Variants in PLA2G4C observed in about 807,000 individuals in gnomAD.
The protein encoded by PLA2G4C is phospholipase A2 group IVC, also known as cytosolic phospholipase A2 gamma.
PLA2G4C carries 64 observed loss-of-function variants against 73.8 expected under a neutral mutation model. That is an observed-to-expected ratio of 0.87 (90% confidence interval 0.71 to 1.07). The LOEUF (loss-of-function observed/expected upper bound fraction) is 1.07, where lower values mean the gene tolerates loss of function less well. PLA2G4C is among the 50% of genes least tolerant of loss of function. PLA2G4C has a pLI of 0.00. For synonymous variants in PLA2G4C, 254 were observed against 252.1 expected, an observed-to-expected ratio of 1.01 and a Z score of -0.07; for missense variants, 622 against 665.4, an observed-to-expected ratio of 0.93 and a Z score of 0.72.
Position 48,074,796 on chromosome 19 carries a change from T to C in PLA2G4C, c.977A>G (p.Glu326Gly), listed in dbSNP as rs757947302. The change falls in exon 12 of 17, where the codon GAG (glutamate) becomes GGG (glycine). Residue 326 changes from glutamate (E) to glycine (G), a missense_variant. By Grantham distance (98) the Glu-to-Gly change is moderately conservative. Transcript: ENST00000599921. The stretch of plus-strand genomic sequence containing the variant: ...CCTTTCGGGGTCCTCATGGGGCTGC[T>C]CCTGCTTTTCCAGGGAGGTCCTGGT... ...NWTRTSLEKQEQPHEDPERKG... is the reference protein window; with the variant it reads ...NWTRTSLEKQGQPHEDPERKG... 3 of 1,613,746 alleles carry C rather than the reference T, an allele frequency of 1.9e-6. No homozygotes were observed. The highest frequency in any genetic ancestry group is 2.5e-6 in the Non-Finnish European group (3 of 1,179,706).
intron 16 of PLA2G4C, among the ~76,000 whole-genome samples, chr19:48,049,945 C>T (rs191611396): frequency 1.1e-4 from 17 of 152,252 alleles, no homozygotes; most frequent in South Asian, 1.0e-3. Flanking sequence ...TTCTTTGAGA[C>T]GGAATCTCCC....
At chr19:48,106,769 A>G (rs764395122) in intron 1 of PLA2G4C, 62 of 565,454 alleles carry the variant, frequency 1.1e-4, no homozygotes, top group Non-Finnish European at 2.0e-4. Flanking sequence ...AAATATTTCA[A>G]GCGCGTCTCT....
rs1271636452 is a variant in PLA2G4C at position 48,099,854 on chromosome 19, T to C, written c.264A>G (p.Ile88Met). ...CACCATCATTGGTGTAGAGAGAAGA[T>C]ATTGCCCTGGAGGACAGAGGAAGAG... ...LAGVSGSTWA[I>M]SSLYTNDGDM... Residue 88 changes from isoleucine to methionine, a missense_variant, in exon 5 of 17, where the codon ATA becomes ATG. Physicochemically the swap from Ile to Met is conservative, Grantham distance 10. Transcript: ENST00000599921. The C allele has an allele frequency of 1.9e-6, 3 of 1,611,278 alleles. No individual in the cohort carries two copies. The highest frequency in any genetic ancestry group is 1.3e-5 in the African/African-American group (1 of 74,910).
At chr19:48,080,488 C>G (rs2122575002) in intron 10 of PLA2G4C, among the ~76,000 whole-genome samples, 1 of 152,112 alleles carries the variant, frequency 6.6e-6, no homozygotes, top group African/African-American at 2.4e-5. Flanking sequence ...GGTATCTACC[C>G]AAAGGAAAGG....
chr19:48,101,448 T>C (rs1274627830), intron 4 of PLA2G4C, among the ~76,000 whole-genome samples: 3 of 151,904 alleles, frequency 2.0e-5, no homozygotes, highest in African/African-American at 4.8e-5. Context: ...ATAAAAATTT[T>C]TGATGTTCTT....
At chr19:48,095,374 G>A in intron 7 of PLA2G4C, 90 bp downstream of exon 7, 2 of 1,235,234 alleles carry the variant, frequency 1.6e-6, no homozygotes, top group East Asian at 2.3e-5. Flanking sequence ...AGAAATTTAA[G>A]AGCTGGGCAA....
chr19:48,064,836 T>G (rs1337711212), intron 13 of PLA2G4C: 1 of 152,212 alleles, frequency 6.6e-6, no homozygotes, highest in Non-Finnish European at 1.5e-5. Flanking sequence ...AAGGTGGCTG[T>G]CTGCAAATCA....
In PLA2G4C at chr19:48,075,049, C is replaced by G. The variant is rs118026538; in HGVS notation, c.899-175G>C. Among the ~76,000 whole-genome samples the G allele has an allele frequency of 4.6e-5, 7 of 152,188 alleles. No homozygotes were observed. In the East Asian group the frequency reaches 1.2e-3, roughly 25 times the overall value. On this transcript the variant is annotated intron_variant, in intron 11 of 16. Transcript: ENST00000599921. ...CTGCTGACCCCCATGTTACCTCACT[C>G]TCTCTGACTTTCTGGCCTCTTTTTT...
intron 13 of PLA2G4C, 42 bp downstream of exon 13, chr19:48,067,749 A>T: frequency 7.6e-7 from 1 of 1,314,806 alleles, no homozygotes; most frequent in South Asian, 1.2e-5. Context: ...GCCCATTCAC[A>T]CGCAAGGACA....
Position 48,077,834 on chromosome 19 carries a change from A to G in PLA2G4C, c.845-10T>C. ...AGCCTCAGTAATCGGGCTGCAAAAG[A>G]GCAGAGGCAGGGGGAATGTTTAACT... On this transcript the variant is annotated splice_polypyrimidine_tract_variant and intron_variant, in intron 10 of 16. Transcript: ENST00000599921. 1 of 1,603,628 alleles carries G rather than the reference A, an allele frequency of 6.2e-7. No homozygotes were observed. Among genetic ancestry groups the G allele is most frequent in the Non-Finnish European group, 8.5e-7 (1 of 1,175,136 alleles).
chr19:48,086,682 G>C (rs1253453909), intron 9 of PLA2G4C, among the ~76,000 whole-genome samples: 2 of 152,110 alleles, frequency 1.3e-5, no homozygotes, highest in East Asian at 3.9e-4. Flanking sequence ...CACCTGCTGG[G>C]TGGAGGCCAA....
Position 48,077,798 on chromosome 19 carries a change from A to T in PLA2G4C, c.871T>A (p.Ser291Thr). 1.2e-6 allele frequency: 2 copies of T among 1,607,132 alleles called. No homozygotes were observed. Among genetic ancestry groups the T allele is most frequent in the Non-Finnish European group, 1.7e-6 (2 of 1,177,082 alleles). The change falls in exon 11 of 17, where the codon TCA becomes ACA. Residue 291 changes from serine to threonine, a missense_variant. Transcript: ENST00000599921. ...TCTGGGGGAGGATGTTCCCCTTGTG[A>T]ACTTTCTTGCAGCCTCAGTAATCGG... ...FARLLRLQESSQGEHPPPEDE... is the reference protein window; with the variant it reads ...FARLLRLQESTQGEHPPPEDE...
At chr19:48,104,833 A>T in intron 3 of PLA2G4C, 109 bp from the exon 4 acceptor site, 1 of 1,081,072 alleles carries the variant, frequency 9.3e-7, no homozygotes, top group South Asian at 1.5e-5. Flanking sequence ...CTGTAATCCC[A>T]GCACATTGGG....
At chr19:48,090,726 T>C (rs1600229510) in intron 7 of PLA2G4C, 1 of 309,774 alleles carries the variant, frequency 3.2e-6, no homozygotes, top group South Asian at 4.2e-5. Flanking sequence ...ATGCCAACCC[T>C]TCTCAGCACA....
intron 7 of PLA2G4C, among the ~76,000 whole-genome samples, chr19:48,091,103 G>A (rs2031272777): frequency 6.6e-6 from 1 of 152,128 alleles, no homozygotes; most frequent in Non-Finnish European, 1.5e-5. Context: ...GCTAAGGATG[G>A]AGGAGCAGAA....
rs66641645 is a variant in PLA2G4C at position 48,082,496 on chromosome 19, C to CTTTT, written c.844+2559_844+2562dup. Among the ~76,000 whole-genome samples the CTTTT allele has an allele frequency of 4.6e-3, 493 of 106,250 alleles. 1 individual carries two copies. Among genetic ancestry groups the CTTTT allele is most frequent in the African/African-American group, 0.012 (329 of 26,586 alleles). 69.7% of individuals were successfully genotyped at this position (106,250 alleles called of 152,430 possible). A position where few individuals can be genotyped will look rare whatever the true frequency, so the allele number is the denominator to read the frequency against. On this transcript the variant is annotated intron_variant, in intron 10 of 16. Coordinates refer to ENST00000599921, the MANE Select transcript of PLA2G4C (RefSeq NM_003706.3). ...TTTTTTTCTTTTTCTTTCTTTCTTT[C>CTTTT]TTTTTTTTTTTTTTTTTTTTGAGAC...
intron 11 of PLA2G4C, among the ~76,000 whole-genome samples, chr19:48,075,379 G>C (rs932879547): frequency 6.6e-6 from 1 of 151,672 alleles, no homozygotes; most frequent in African/African-American, 2.4e-5. Flanking sequence ...TACTGATGGG[G>C]TTTTACCATG....
intron 15 of PLA2G4C, among the ~76,000 whole-genome samples, chr19:48,053,372 T>TC (rs1568420087): frequency 2.2e-4 from 32 of 145,372 alleles, no homozygotes; most frequent in Admixed American, 7.5e-4. Context: ...TTCTTTTTTT[T>TC]TTTTTTTTTT....
chr19:48,057,128 TTAAAAG>T (rs1419125374), intron 14 of PLA2G4C, among the ~76,000 whole-genome samples: 3 of 152,086 alleles, frequency 2.0e-5, no homozygotes, highest in African/African-American at 7.2e-5. Context: ...ACCCCTGAAC[TTAAAAG>T]TTAAAAAAAG....
Sources: gnomAD v4.1 joint callset for allele counts (sites outside exome capture counted in the v4.1 genomes callset) on GRCh38, gnomAD v4.1.1 for gene constraint, MANE v1.5 for transcripts, NCBI Gene and HGNC (gene_info 2026-07-23, HGNC 2026-07-21) for gene names.